The following PARVB variants were observed in gnomAD, a reference collection of about 807,000 sequenced individuals.
PARVB encodes the protein beta-parvin.
PARVB carries 46 observed loss-of-function variants against 47.0 expected under a neutral mutation model. The observed-to-expected ratio is 0.98, with a 90% CI of 0.77 to 1.25. The LOEUF (loss-of-function observed/expected upper bound fraction) is 1.25, where lower values mean the gene tolerates loss of function less well. Ranked by LOEUF, PARVB falls within the 50% of genes most tolerant of loss-of-function variation. PARVB has a pLI of 0.00. For synonymous variants in PARVB, 196 were observed against 196.3 expected (o/e 1.00, Z 0.01); for missense variants, 473 against 471.6 (o/e 1.00, Z -0.03).
intron 1 of PARVB, among the ~76,000 whole-genome samples, chr22:44,060,503 TC>T (rs1421278809): frequency 6.6e-6 from 1 of 151,930 alleles, no homozygotes; most frequent in Non-Finnish European, 1.5e-5. Context: ...GTTCTAAAAA[TC>T]CTGGTGTGTC....
chr22:44,057,109 G>A (rs148105357), intron 1 of PARVB, among the ~76,000 whole-genome samples: 3 of 150,668 alleles, frequency 2.0e-5, no homozygotes, highest in Admixed American at 6.6e-5. Context: ...TTTGTCCTGC[G>A]TGTCTCAACC....
At chr22:44,129,098 A>C (rs968976294) in intron 4 of PARVB, among the ~76,000 whole-genome samples, 1 of 152,104 alleles carries the variant, frequency 6.6e-6, no homozygotes, top group African/African-American at 2.4e-5. Flanking sequence ...AAAAAATTAA[A>C]AGAGGTAATG....
At chr22:44,138,327 A>AT (rs527270441) in intron 7 of PARVB, among the ~76,000 whole-genome samples, 360 of 152,210 alleles carry the variant, frequency 2.4e-3, no homozygotes, top group Middle Eastern at 6.8e-3. Flanking sequence ...GGAAGGGGAG[A>AT]TTTCAGTGAA....
At chr22:44,102,208 C>A (rs1361396313) in intron 3 of PARVB, among the ~76,000 whole-genome samples, 1 of 152,090 alleles carries the variant, frequency 6.6e-6, no homozygotes, top group East Asian at 1.9e-4. Context: ...GAGGTGAATC[C>A]CAACTTCCTC....
chr22:44,134,793 C>T lies in PARVB; in HGVS notation c.634-1667C>T, dbSNP rs184965864. 3.9e-4 allele frequency among the ~76,000 whole-genome samples: 59 copies of T among 152,312 alleles called. 1 individual carries two copies. The highest frequency in any genetic ancestry group is 3.3e-3 in the Admixed American group (50 of 15,306). ...AAGGGCCTTATTTACTGCCTGGCCACGTGGCTTTGGGCTGATCACTTGCTT... is the reference window on the plus strand; with the variant it reads ...AAGGGCCTTATTTACTGCCTGGCCATGTGGCTTTGGGCTGATCACTTGCTT... On this transcript the variant is annotated intron_variant, in intron 6 of 12. Transcript: ENST00000338758.
chr22:44,160,066 G>A (rs537603650), intron 11 of PARVB, among the ~76,000 whole-genome samples: 19 of 152,198 alleles, frequency 1.2e-4, no homozygotes, highest in Non-Finnish European at 2.2e-4. Flanking sequence ...CTGTAGGCTC[G>A]TGCCCCATGA....
chr22:44,102,216 C>T (rs2052464966), intron 3 of PARVB, among the ~76,000 whole-genome samples: 1 of 152,166 alleles, frequency 6.6e-6, no homozygotes, highest in African/African-American at 2.4e-5. Flanking sequence ...TCCCAACTTC[C>T]TCCACCTTTT....
chr22:44,027,741 C>A (rs933358076), intron 1 of PARVB, among the ~76,000 whole-genome samples: 1 of 151,788 alleles, frequency 6.6e-6, no homozygotes, highest in African/African-American at 2.4e-5. Flanking sequence ...CCAGTAAAAA[C>A]GCAAAAATTA....
At chr22:44,043,698 C>T (rs563784583) in intron 1 of PARVB, among the ~76,000 whole-genome samples, 2 of 152,198 alleles carry the variant, frequency 1.3e-5, no homozygotes, top group African/African-American at 4.8e-5. Flanking sequence ...TTTAAAACGG[C>T]AAATTGTATG....
chr22:44,129,457 C>G (rs1254612165), intron 4 of PARVB, among the ~76,000 whole-genome samples: 2 of 152,352 alleles, frequency 1.3e-5, no homozygotes, highest in South Asian at 2.1e-4. Flanking sequence ...CATGTTCAGT[C>G]TGCGGGGCCG....
intron 1 of PARVB, among the ~76,000 whole-genome samples, chr22:44,040,504 G>A (rs2050999076): frequency 6.6e-6 from 1 of 152,190 alleles, no homozygotes; most frequent in Non-Finnish European, 1.5e-5. Flanking sequence ...AAGGAGGCAG[G>A]AGGGTCAGAG....
At chr22:44,082,531 A>AAAAAC (rs2051928054) in intron 1 of PARVB, among the ~76,000 whole-genome samples, 1 of 152,080 alleles carries the variant, frequency 6.6e-6, no homozygotes, top group Non-Finnish European at 1.5e-5. Flanking sequence ...AAACAAAAAC[A>AAAAAC]AAAACAAAAA....
upstream of PARVB, chr22:44,024,249 GCC>G: frequency 3.2e-6 from 2 of 617,322 alleles, no homozygotes; most frequent in Non-Finnish European, 4.0e-6. Flanking sequence ...CGGGGCGGGG[GCC>G]GGCGGCGGGG....
chr22:44,067,087 C>T (rs918634433), intron 1 of PARVB, among the ~76,000 whole-genome samples: 1 of 152,186 alleles, frequency 6.6e-6, no homozygotes, highest in Non-Finnish European at 1.5e-5. Flanking sequence ...AGCGGTCCTC[C>T]TGCCTTGGCC....
At chr22:44,163,957 G>A (rs373508022) in intron 12 of PARVB, 27 bp downstream of exon 12, 90 of 1,584,290 alleles carry the variant, frequency 5.7e-5, no homozygotes, top group Middle Eastern at 1.7e-4. Context: ...AGGTTCCCCC[G>A]GGAGAGGTGC....
intron 1 of PARVB, among the ~76,000 whole-genome samples, chr22:44,058,870 T>C (rs1392786350): frequency 6.6e-6 from 1 of 151,234 alleles, no homozygotes; most frequent in Non-Finnish European, 1.5e-5. Context: ...GGATTTTGGA[T>C]GAGACACCAT....
intron 3 of PARVB, chr22:44,105,086 A>G (rs1242132604): frequency 6.6e-6 from 1 of 152,266 alleles, no homozygotes; most frequent in African/African-American, 2.4e-5. Flanking sequence ...CAGTATTGCC[A>G]GCCGGGGAGG....
At chr22:44,146,785 G>A (rs2053694894) in intron 8 of PARVB, 1 of 152,506 alleles carries the variant, frequency 6.6e-6, no homozygotes, top group Non-Finnish European at 1.5e-5. Context: ...GTCAAGCTGG[G>A]CTCCGCAGCT....
chr22:44,065,741 T>C (rs1378383728), intron 1 of PARVB, among the ~76,000 whole-genome samples: 4 of 152,232 alleles, frequency 2.6e-5, no homozygotes, highest in Non-Finnish European at 2.9e-5. Flanking sequence ...TTTCTATTCC[T>C]GAGTTACTTC....
Sources: gnomAD v4.1 joint callset for allele counts (sites outside exome capture counted in the v4.1 genomes callset) on GRCh38, gnomAD v4.1.1 for gene constraint, MANE v1.5 for transcripts, NCBI Gene and HGNC (gene_info 2026-07-23, HGNC 2026-07-21) for gene names.